KHDRBS3: variants seen among roughly 807,000 people sequenced by gnomAD.
The protein encoded by KHDRBS3 is KH RNA binding domain containing, signal transduction associated 3.
KHDRBS3 carries 23 observed loss-of-function variants against 45.6 expected under a neutral mutation model. That is an observed-to-expected ratio of 0.50 (90% CI 0.36 to 0.72). KHDRBS3 has a LOEUF of 0.72. Among genes scored for constraint, KHDRBS3 ranks in the 30% least tolerant of loss-of-function variants. The pLI is 0.00. For missense variants in KHDRBS3, 352 were observed against 424.8 expected (o/e 0.83, Z 1.51); for synonymous variants, 162 against 156.5 (o/e 1.04, Z -0.26).
chr8:135,498,371 A>G (rs1258017321), intron 1 of KHDRBS3, among the ~76,000 whole-genome samples: 2 of 152,072 alleles, frequency 1.3e-5, no homozygotes, highest in African/African-American at 4.8e-5. Flanking sequence ...TATCAACCAG[A>G]CCTGATCACA....
chr8:135,510,033 G>A (rs886753883), intron 1 of KHDRBS3, among the ~76,000 whole-genome samples: 10 of 146,040 alleles, frequency 6.8e-5, no homozygotes, highest in Admixed American at 7.0e-5. Flanking sequence ...AGGCTGGAGC[G>A]CAGTAGTGCA....
intron 1 of KHDRBS3, among the ~76,000 whole-genome samples, chr8:135,477,995 C>T (rs1268761437): frequency 6.6e-6 from 1 of 152,146 alleles, no homozygotes; most frequent in Non-Finnish European, 1.5e-5. Flanking sequence ...AGATCAGCAC[C>T]ACCGGCATTA....
intron 2 of KHDRBS3, chr8:135,540,760 T>A (rs1161883005): frequency 1.3e-5 from 2 of 152,226 alleles, no homozygotes; most frequent in Non-Finnish European, 2.9e-5. Flanking sequence ...TCAGTAGCTC[T>A]TGATAAAATA....
At chr8:135,548,651 A>T in intron 3 of KHDRBS3, 103 bp from the exon 4 acceptor site, 1 of 931,834 alleles carries the variant, frequency 1.1e-6, no homozygotes, top group Non-Finnish European at 1.5e-6. Context: ...TGCCAGATGG[A>T]TTGTTTTTAT....
At chr8:135,579,070 G>A (rs559642775) in intron 5 of KHDRBS3, among the ~76,000 whole-genome samples, 40 of 152,274 alleles carry the variant, frequency 2.6e-4, no homozygotes, top group African/African-American at 7.7e-4. Flanking sequence ...ATAGGAGTAT[G>A]TGTAGGGTTT....
chr8:135,596,939 C>T (rs1160292018), intron 6 of KHDRBS3, among the ~76,000 whole-genome samples: 1 of 152,130 alleles, frequency 6.6e-6, no homozygotes, highest in African/African-American at 2.4e-5. Flanking sequence ...CACATGGTCT[C>T]GTCCCTGCAC....
chr8:135,626,870 TCTC>T lies in KHDRBS3; in HGVS notation c.891-18186_891-18184del, dbSNP rs201396549. Among the ~76,000 whole-genome samples the T allele has an allele frequency of 1.3e-3, 190 of 143,166 alleles. 3 individuals carry two copies. The highest frequency in any genetic ancestry group is 4.0e-3 in the African/African-American group (162 of 40,814). 93.9% of individuals were successfully genotyped at this position (143,166 alleles called of 152,430 possible). On this transcript the variant is annotated intron_variant, in intron 7 of 8. Transcript: ENST00000355849. ...GCAGTTCTCATAAGGAAAACATTATTCTCCTTGTCTCCTTTTTCTTGGAATCTA... is the reference window on the plus strand; with the variant it reads ...GCAGTTCTCATAAGGAAAACATTATTCTTGTCTCCTTTTTCTTGGAATCTA...
Position 135,645,015 on chromosome 8 carries a change from C to G in KHDRBS3, c.891-44C>G, listed in dbSNP as rs766105072. Reference sequence around the variant, plus strand: ...CGTTATTGAATACTGTTGAAACTCACAGCCAGATGATTTTGTCCTTTGTTT... The same window carrying G: ...CGTTATTGAATACTGTTGAAACTCAGAGCCAGATGATTTTGTCCTTTGTTT... On this transcript the variant is annotated intron_variant, in intron 7 of 8. Coordinates refer to ENST00000355849, the MANE Select transcript of KHDRBS3 (RefSeq NM_006558.3). The G allele has an allele frequency of 8.1e-6, 13 of 1,596,642 alleles. No homozygotes were observed. The South Asian group carries it at 1.4e-4, about 18-fold the overall frequency.
intron 7 of KHDRBS3, among the ~76,000 whole-genome samples, chr8:135,619,771 A>G (rs998729531): frequency 2.0e-5 from 3 of 152,226 alleles, no homozygotes; most frequent in South Asian, 2.1e-4. Flanking sequence ...TACACATACC[A>G]TATGTTAGTA....
At chr8:135,586,623 A>G (rs1828488432) in intron 6 of KHDRBS3, among the ~76,000 whole-genome samples, 1 of 152,218 alleles carries the variant, frequency 6.6e-6, no homozygotes, top group Non-Finnish European at 1.5e-5. Flanking sequence ...TAACACTTTC[A>G]TTTAAGAATT....
chr8:135,645,642 T>C (rs1262780196), intron 8 of KHDRBS3, among the ~76,000 whole-genome samples: 2 of 152,252 alleles, frequency 1.3e-5, no homozygotes, highest in Non-Finnish European at 2.9e-5. Context: ...GGGCAGCAGC[T>C]AAACCCCTCT....
intron 3 of KHDRBS3, among the ~76,000 whole-genome samples, chr8:135,544,577 C>T (rs1455305612): frequency 1.3e-5 from 2 of 152,168 alleles, no homozygotes; most frequent in Non-Finnish European, 1.5e-5. Context: ...TCCTGGCCAC[C>T]GTGGCCATTT....
intron 7 of KHDRBS3, among the ~76,000 whole-genome samples, chr8:135,630,482 AATGTATGT>A (rs11269726): frequency 1.3e-5 from 2 of 150,886 alleles, no homozygotes; most frequent in Non-Finnish European, 2.9e-5. Flanking sequence ...TATAAAGTTT[AATGTATGT>A]ATGTATGTAT....
rs1831322191 is a variant in KHDRBS3 at position 135,647,089 on chromosome 8, A to G, written c.*5A>G. On this transcript the variant is annotated 3_prime_UTR_variant, in exon 9 of 9. Transcript: ENST00000355849. ...CAGCCATATGGCAGATACTGATTGT[A>G]CTGTCTGATGTTGTGAAATAGCCAA... is the stretch of plus-strand genomic sequence containing the variant. 1.3e-6 allele frequency: 2 copies of G among 1,544,356 alleles called. No homozygotes were observed. The highest frequency in any genetic ancestry group is 2.7e-5 in the African/African-American group (2 of 73,502).
intron 1 of KHDRBS3, among the ~76,000 whole-genome samples, chr8:135,503,999 G>A (rs1823866357): frequency 6.6e-6 from 1 of 152,144 alleles, no homozygotes; most frequent in Non-Finnish European, 1.5e-5. Flanking sequence ...TGACACTTGA[G>A]GTCTGCTGTT....
intron 6 of KHDRBS3, among the ~76,000 whole-genome samples, chr8:135,584,592 T>C (rs556487863): frequency 9.2e-5 from 14 of 152,370 alleles, no homozygotes; most frequent in African/African-American, 2.9e-4. Flanking sequence ...GGCACAGTTA[T>C]AGTAAAAGCT....
chr8:135,594,106 A>G (rs1462098115), intron 6 of KHDRBS3, among the ~76,000 whole-genome samples: 13 of 152,200 alleles, frequency 8.5e-5, no homozygotes, highest in Admixed American at 8.5e-4. Flanking sequence ...ATACATTTTT[A>G]TTCTATTCAT....
At chr8:135,627,320 G>T (rs1279850497) in intron 7 of KHDRBS3, among the ~76,000 whole-genome samples, 2 of 152,184 alleles carry the variant, frequency 1.3e-5, no homozygotes, top group Non-Finnish European at 1.5e-5. Flanking sequence ...CTGAGGTTCA[G>T]GCAGGAAGAA....
chr8:135,634,349 A>G (rs1830724808), intron 7 of KHDRBS3, among the ~76,000 whole-genome samples: 1 of 152,100 alleles, frequency 6.6e-6, no homozygotes, highest in Admixed American at 6.5e-5. Flanking sequence ...CACAATATCA[A>G]CTCTGAAAGC....
Sources: allele counts gnomAD v4.1 joint callset (sites outside exome capture counted in the v4.1 genomes callset), GRCh38; gene constraint gnomAD v4.1.1; transcripts MANE v1.5; gene names NCBI Gene and HGNC (gene_info 2026-07-23, HGNC 2026-07-21).